Variants in RELB observed in about 807,000 individuals in gnomAD.
The protein encoded by RELB is transcription factor RelB.
In RELB, 14 loss-of-function variants were observed where a neutral mutation model predicts 55.4. That is an observed-to-expected ratio of 0.25 (90% CI 0.17 to 0.40). RELB has a LOEUF of 0.40. Among genes scored for constraint, RELB ranks in the 10% least tolerant of loss-of-function variants. RELB has a pLI of 1.00. For synonymous variants in RELB, 409 were observed against 371.3 expected (o/e 1.10, Z -1.17); for missense variants, 669 against 830.7 (o/e 0.81, Z 2.39).
rs1165396909 is a variant in RELB at position 45,020,561 on chromosome 19, T to TTC, written c.505-1491_505-1490insCT. Among the ~76,000 whole-genome samples the TTC allele has an allele frequency of 2.8e-5, 4 of 141,904 alleles. No individual in the cohort carries two copies. In the Admixed American group the frequency reaches 2.8e-4, roughly 10 times the overall value. 93.1% of individuals were successfully genotyped at this position (141,904 alleles called of 152,430 possible). A position where few individuals can be genotyped will look rare whatever the true frequency, so the allele number is the denominator to read the frequency against. ...CCAAATGTGGCACCCATCTTTTTTT[T>TTC]TTTTTTTTTTTTTTGAGACGGAGTC... On this transcript the variant is annotated intron_variant, in intron 4 of 11. Transcript: ENST00000221452.
At chr19:45,014,897 T>C (rs763533044) in intron 4 of RELB, among the ~76,000 whole-genome samples, 20 of 126,652 alleles carry the variant, frequency 1.6e-4, no homozygotes, top group African/African-American at 6.2e-4. Context: ...CAAATCTGGA[T>C]TCAGGATTTT....
intron 4 of RELB, among the ~76,000 whole-genome samples, chr19:45,016,327 G>C (rs890390252): frequency 6.6e-6 from 1 of 151,468 alleles, no homozygotes; most frequent in Non-Finnish European, 1.5e-5. Flanking sequence ...AAAAGAGAAA[G>C]AAAAGGAAAT....
At chr19:45,013,008 C>A (rs985786005) in intron 4 of RELB, among the ~76,000 whole-genome samples, 2 of 151,942 alleles carry the variant, frequency 1.3e-5, no homozygotes, top group African/African-American at 4.8e-5. Flanking sequence ...CAAGATCGCA[C>A]CACTGCACTC....
intron 4 of RELB, chr19:45,021,740 A>C: frequency 9.3e-6 from 2 of 215,820 alleles, no homozygotes; most frequent in Non-Finnish European, 1.8e-5. Context: ...ATGCCGGGCT[A>C]ATTTTTGTAT....
At chr19:45,007,656 G>A (rs969588456) in intron 2 of RELB, among the ~76,000 whole-genome samples, 2 of 151,936 alleles carry the variant, frequency 1.3e-5, no homozygotes, top group African/African-American at 2.4e-5. Context: ...CCAGGAGTTC[G>A]AGACCAGCCT....
Position 45,025,675 on chromosome 19 carries a change from G to T in RELB, c.824G>T (p.Arg275Leu), listed in dbSNP as rs1039495718. ...VVRICFQASYRDQQGQMRRMD... is the reference protein window; with the variant it reads ...VVRICFQASYLDQQGQMRRMD... ...AGGATCTGCTTCCAGGCCTCATATCGGGACCAGCAGGGACAGATGCGCCGG... is the reference window on the plus strand; with the variant it reads ...AGGATCTGCTTCCAGGCCTCATATCTGGACCAGCAGGGACAGATGCGCCGG... Residue 275 changes from arginine to leucine, a missense_variant, in exon 7 of 12, where the codon CGG (arginine) becomes CTG (leucine). Physicochemically the swap from Arg to Leu is moderately radical, Grantham distance 102. Transcript: ENST00000221452. 8 of 1,613,958 alleles carry T rather than the reference G, an allele frequency of 5.0e-6. No individual in the cohort carries two copies. In the South Asian group the frequency reaches 8.8e-5, roughly 18 times the overall value.
At chr19:45,014,509 GT>G (rs988263454) in intron 4 of RELB, among the ~76,000 whole-genome samples, 5 of 107,778 alleles carry the variant, frequency 4.6e-5, no homozygotes, top group African/African-American at 1.1e-4. Flanking sequence ...CTGGCTCAGA[GT>G]TTTTTTTTGT....
chr19:45,023,929 TTAGTAGAGA>T (rs2122460723), intron 5 of RELB, among the ~76,000 whole-genome samples: 1 of 142,510 alleles, frequency 7.0e-6, no homozygotes, highest in South Asian at 2.3e-4. Flanking sequence ...TTTTGTATTT[TTAGTAGAGA>T]CGGGGTTTCA....
intron 8 of RELB, among the ~76,000 whole-genome samples, chr19:45,031,385 A>G (rs1373318915): frequency 1.3e-5 from 2 of 152,044 alleles, no homozygotes; most frequent in African/African-American, 2.4e-5. Flanking sequence ...TTAGCCTCCC[A>G]AAGGGCTGGG....
intron 11 of RELB, among the ~76,000 whole-genome samples, chr19:45,035,505 G>A (rs922799953): frequency 1.3e-5 from 2 of 149,958 alleles, no homozygotes; most frequent in Non-Finnish European, 2.9e-5. Flanking sequence ...GCAACAGAAT[G>A]AGACCCTTCT....
Position 45,011,980 on chromosome 19 carries a change from G to C in RELB, c.208G>C (p.Gly70Arg). ...CAAGGAGAACGGCTTCGGCCTGGAC[G>C]GGGGACAGCCGGGCCCGGGCGAGGG... ...YIKENGFGLD[G>R]GQPGPGEGLP... Residue 70 changes from glycine (G) to arginine (R), a missense_variant, in exon 4 of 12, where the codon GGG (glycine) becomes CGG (arginine). By Grantham distance (125) the Gly-to-Arg change is moderately radical (BLOSUM62 -2). Transcript: ENST00000221452. The C allele has an allele frequency of 1.9e-6, 3 of 1,572,104 alleles. No homozygotes were observed. Among genetic ancestry groups the C allele is most frequent in the Non-Finnish European group, 2.6e-6 (3 of 1,164,578 alleles).
intron 4 of RELB, among the ~76,000 whole-genome samples, chr19:45,015,444 A>C (rs1340977111): frequency 1.3e-5 from 2 of 152,038 alleles, no homozygotes; most frequent in Admixed American, 1.3e-4. Flanking sequence ...CTTATTCTAA[A>C]GCCTAATGGG....
intron 8 of RELB, among the ~76,000 whole-genome samples, chr19:45,031,246 C>T (rs1469390253): frequency 6.6e-6 from 1 of 151,948 alleles, no homozygotes; most frequent in Non-Finnish European, 1.5e-5. Context: ...CGCTCTGTCT[C>T]TTAAATAGCT....
At chr19:45,008,580 T>C (rs909414755) in intron 2 of RELB, 1 of 455,574 alleles carries the variant, frequency 2.2e-6, no homozygotes, top group African/African-American at 2.0e-5. Context: ...ATCTGCCAAA[T>C]TGGGGGGACC....
At chr19:45,031,689 C>T (rs1038614932) in intron 8 of RELB, among the ~76,000 whole-genome samples, 7 of 151,362 alleles carry the variant, frequency 4.6e-5, no homozygotes, top group South Asian at 2.1e-4. Flanking sequence ...CATTCTCCTG[C>T]CTCAGCCTCC....
chr19:45,022,465 G>C (rs1568401816), intron 5 of RELB, among the ~76,000 whole-genome samples: 1 of 151,946 alleles, frequency 6.6e-6, no homozygotes, highest in African/African-American at 2.4e-5. Flanking sequence ...AAGGAGCACA[G>C]ATAATTGATG....
At position 45,037,532 on chromosome 19, in the gene RELB, G is replaced by T; in HGVS notation, c.1482G>T (p.Thr494=). 1 of 1,613,308 alleles carries T rather than the reference G, an allele frequency of 6.2e-7. No homozygotes were observed. Among genetic ancestry groups the T allele is most frequent in the Non-Finnish European group, 8.5e-7 (1 of 1,179,738 alleles). ...ACGATGGCTTTGCCTACGACCCTACGGCCCCCACACTCTTCACCATGCTGG... is the reference window on the plus strand; with the variant it reads ...ACGATGGCTTTGCCTACGACCCTACTGCCCCCACACTCTTCACCATGCTGG... ...LLDDGFAYDP[T]APTLFTMLDL... The change falls in exon 12 of 12, where the codon ACG becomes ACT. Residue 494 remains threonine, a synonymous_variant. Transcript: ENST00000221452.
In RELB at chr19:45,034,314, T is replaced by G; in HGVS notation, c.1276+2T>G. ...TCCTTGGGGAGCTGAACAGCTCTGG[T>G]GTGTGCCCTCTGCCCCTTTCCACCC... On this transcript the variant is annotated splice_donor_variant, in intron 10 of 11. Coordinates refer to ENST00000221452, the MANE Select transcript of RELB (RefSeq NM_006509.4). LOFTEE classifies it high-confidence loss of function. 6.2e-7 allele frequency: 1 copy of G among 1,613,710 alleles called. No individual in the cohort carries two copies. The highest frequency in any genetic ancestry group is 8.5e-7 in the Non-Finnish European group (1 of 1,179,616).
chr19:45,022,201 C>T lies in RELB; in HGVS notation c.653C>T (p.Pro218Leu). 1.2e-6 allele frequency: 2 copies of T among 1,600,698 alleles called. No individual in the cohort carries two copies. Among genetic ancestry groups the T allele is most frequent in the Non-Finnish European group, 1.7e-6 (2 of 1,175,818 alleles). ...GTGCGGCTCCGGCCTCACGTCAGCC[C>T]CCGGCACAGGTACCCACCCCCTGAC... Reference protein sequence around the residue: ...CRVRLRPHVSPRHSFNNLGIQ... With the variant: ...CRVRLRPHVSLRHSFNNLGIQ... Residue 218 changes from proline to leucine, a missense_variant, in exon 5 of 12, where the codon CCC becomes CTC. Pro to Leu is a moderately conservative substitution (Grantham distance 98). Coordinates refer to ENST00000221452, the MANE Select transcript of RELB (RefSeq NM_006509.4).
Sources: allele counts gnomAD v4.1 joint callset (sites outside exome capture counted in the v4.1 genomes callset), GRCh38; gene constraint gnomAD v4.1.1; transcripts MANE v1.5; gene names NCBI Gene and HGNC (gene_info 2026-07-23, HGNC 2026-07-21).